GPHN: variants seen among roughly 807,000 people sequenced by gnomAD.
GPHN encodes gephyrin.
GPHN carries 17 observed loss-of-function variants against 95.5 expected under a neutral mutation model. The observed-to-expected ratio is 0.18, with a 90% CI of 0.12 to 0.27. The LOEUF (loss-of-function observed/expected upper bound fraction) is 0.27. Among genes scored for constraint, GPHN ranks in the 10% least tolerant of loss-of-function variants. The probability of loss-of-function intolerance (pLI) is 1.00; values close to 1 mark genes in which losing one functional copy is unlikely to be tolerated. For synonymous variants in GPHN, 320 were observed against 322.5 expected (o/e 0.99, Z 0.08); for missense variants, 660 against 978.1 (o/e 0.67, Z 4.34).
the GPHN span, among the ~76,000 whole-genome samples, chr14:67,330,213 G>C: frequency 1.3e-5 from 2 of 150,502 alleles, no homozygotes; most frequent in African/African-American, 4.9e-5. Context: ...AAATAAGTTG[G>C]AGGGCATTTG....
chr14:67,156,175 A>T (rs939079541), intron 18 of GPHN, among the ~76,000 whole-genome samples: 11 of 152,226 alleles, frequency 7.2e-5, no homozygotes, highest in Admixed American at 3.9e-4. Flanking sequence ...ATGAGTGTTG[A>T]TCATGTAAAA....
At chr14:66,973,161 A>G (rs537633533) in intron 9 of GPHN, among the ~76,000 whole-genome samples, 1 of 152,184 alleles carries the variant, frequency 6.6e-6, no homozygotes, top group African/African-American at 2.4e-5. Flanking sequence ...TTTTTTCCAT[A>G]GAAGCAGTAT....
chr14:66,904,200 A>G (rs1428129441), intron 5 of GPHN, among the ~76,000 whole-genome samples: 1 of 152,146 alleles, frequency 6.6e-6, no homozygotes, highest in Non-Finnish European at 1.5e-5. Context: ...CAAAAGAGTG[A>G]GCAGCAGCAA....
intron 5 of GPHN, among the ~76,000 whole-genome samples, chr14:66,906,088 C>G (rs1229230421): frequency 6.6e-6 from 1 of 151,800 alleles, no homozygotes; most frequent in East Asian, 1.9e-4. Context: ...AGAATGCTAC[C>G]CTTCTCGGGT....
intron 1 of GPHN, among the ~76,000 whole-genome samples, chr14:66,551,500 G>A (rs1041924539): frequency 6.6e-6 from 1 of 152,122 alleles, no homozygotes; most frequent in Non-Finnish European, 1.5e-5. Flanking sequence ...CTATATCTAA[G>A]TCTTGAGCTA....
At chr14:67,416,016 A>T in the GPHN span, among the ~76,000 whole-genome samples, 60 of 152,276 alleles carry the variant, frequency 3.9e-4, no homozygotes, top group African/African-American at 1.3e-3. Context: ...AAAAATAGCT[A>T]GTGCATGTTG....
intron 5 of GPHN, among the ~76,000 whole-genome samples, chr14:66,886,060 C>G (rs537398347): frequency 9.2e-5 from 14 of 151,962 alleles, no homozygotes; most frequent in Non-Finnish European, 1.8e-4. Context: ...CTTAAAGATT[C>G]TCAAAGAACT....
At chr14:66,697,352 G>T (rs1350781351) in intron 2 of GPHN, among the ~76,000 whole-genome samples, 1 of 152,188 alleles carries the variant, frequency 6.6e-6, no homozygotes, top group Non-Finnish European at 1.5e-5. Context: ...ATCAGGTTTT[G>T]TGAACTTCTG....
At chr14:67,411,218 C>T in the GPHN span, among the ~76,000 whole-genome samples, 1 of 150,246 alleles carries the variant, frequency 6.7e-6, no homozygotes, top group East Asian at 2.0e-4. Flanking sequence ...CTCTTTTGTT[C>T]ATCTTCTACC....
intron 20 of GPHN, among the ~76,000 whole-genome samples, chr14:67,165,588 C>G (rs958550846): frequency 1.3e-5 from 2 of 152,206 alleles, no homozygotes; most frequent in Non-Finnish European, 2.9e-5. Flanking sequence ...CCGAATACCT[C>G]TCATAACCAG....
intron 11 of GPHN, among the ~76,000 whole-genome samples, chr14:67,080,236 G>T (rs1358517554): frequency 6.6e-6 from 1 of 151,844 alleles, no homozygotes; most frequent in Non-Finnish European, 1.5e-5. Context: ...GTGTATTCAA[G>T]TCTTTTTTTC....
chr14:66,593,828 T>C (rs143043242), intron 1 of GPHN, among the ~76,000 whole-genome samples: 4 of 152,282 alleles, frequency 2.6e-5, no homozygotes, highest in African/African-American at 9.6e-5. Flanking sequence ...CCAGAACAGT[T>C]AGGCAAGTCA....
chr14:67,694,504 A>G, the GPHN span, among the ~76,000 whole-genome samples: 7 of 147,360 alleles, frequency 4.8e-5, no homozygotes, highest in East Asian at 1.4e-3. Context: ...ATATATATAT[A>G]TACACACATA....
chr14:67,474,039 G>T, the GPHN span: 1 of 1,335,410 alleles, frequency 7.5e-7, no homozygotes, highest in African/African-American at 1.5e-5. Flanking sequence ...ATCACTTGAG[G>T]TCAGGAGTTC....
intron 4 of GPHN, among the ~76,000 whole-genome samples, chr14:66,868,402 G>T (rs549256344): frequency 6.6e-6 from 1 of 151,764 alleles, no homozygotes; most frequent in Non-Finnish European, 1.5e-5. Flanking sequence ...TGTTCTTTAC[G>T]GGTTTTTTTA....
At chr14:66,707,390 A>G (rs541917125) in intron 2 of GPHN, among the ~76,000 whole-genome samples, 102 of 152,352 alleles carry the variant, frequency 6.7e-4, no homozygotes, top group African/African-American at 2.3e-3. Context: ...ACTCTTGACA[A>G]TAGCAAAGAC....
At chr14:67,294,797 G>C in the GPHN span, 5,382 of 151,878 alleles carry the variant, frequency 0.035, 142 homozygotes, top group Non-Finnish European at 0.055. Flanking sequence ...CTCAGCCTTC[G>C]GAGTAGCTGG....
intron 4 of GPHN, among the ~76,000 whole-genome samples, chr14:66,830,605 A>G (rs1273264526): frequency 1.3e-5 from 2 of 152,134 alleles, no homozygotes; most frequent in Admixed American, 6.6e-5. Flanking sequence ...GACATAAGGA[A>G]TATTTATTTA....
At chr14:67,057,183 A>G (rs2075619943) in intron 10 of GPHN, among the ~76,000 whole-genome samples, 1 of 152,192 alleles carries the variant, frequency 6.6e-6, no homozygotes, top group African/African-American at 2.4e-5. Flanking sequence ...CGTGAGGCCA[A>G]GGAGGTGCCA....
Sources: gnomAD v4.1 joint callset for allele counts (sites outside exome capture counted in the v4.1 genomes callset) on GRCh38, gnomAD v4.1.1 for gene constraint, MANE v1.5 for transcripts, NCBI Gene and HGNC (gene_info 2026-07-23, HGNC 2026-07-21) for gene names.